STK32C: variants seen among roughly 807,000 people sequenced by gnomAD.
STK32C encodes the protein serine/threonine kinase 32C.
In STK32C, 31 loss-of-function variants were observed where a neutral mutation model predicts 56.5. The ratio of observed to expected loss-of-function variants is 0.55; its 90% confidence interval spans 0.41 to 0.74. STK32C has a LOEUF of 0.74. Ranked by LOEUF, STK32C falls within the 30% of genes least tolerant of loss-of-function variation. STK32C has a pLI of 0.00. For missense variants in STK32C, 544 were observed against 676.9 expected (o/e 0.80, Z 2.18); for synonymous variants, 309 against 289.4 (o/e 1.07, Z -0.69).
chr10:132,226,791 A>G lies in STK32C; in HGVS notation c.644+4T>C, dbSNP rs373246538. ...GGTACCTGCGCCGTCTGCCACGCAC[A>G]CACCTGTGGATGATGTGCTGGCCGC... On this transcript the variant is annotated splice_donor_region_variant and intron_variant, in intron 4 of 11. Transcript: ENST00000298630. 2 of 1,612,098 alleles carry G rather than the reference A, an allele frequency of 1.2e-6. No homozygotes were observed. The highest frequency in any genetic ancestry group is 1.7e-6 in the Non-Finnish European group (2 of 1,179,748).
At chr10:132,209,551 T>C (rs745890831) in intron 10 of STK32C, among the ~76,000 whole-genome samples, 1 of 152,184 alleles carries the variant, frequency 6.6e-6, no homozygotes, top group Non-Finnish European at 1.5e-5. Flanking sequence ...AAGCAGGTCC[T>C]CAGGGCAAGC....
At chr10:132,243,111 T>C (rs2063563779) in intron 2 of STK32C, among the ~76,000 whole-genome samples, 1 of 152,128 alleles carries the variant, frequency 6.6e-6, no homozygotes, top group Non-Finnish European at 1.5e-5. Context: ...CGACCTCCCC[T>C]CATCCCTGGG....
At chr10:132,330,210 A>C in intron 1 of STK32C, 1 of 527,476 alleles carries the variant, frequency 1.9e-6, no homozygotes, top group Non-Finnish European at 3.4e-6. Flanking sequence ...TTAACTACTG[A>C]CTACAAAAAT....
intron 2 of STK32C, among the ~76,000 whole-genome samples, chr10:132,231,209 C>T (rs891153888): frequency 2.0e-5 from 3 of 152,210 alleles, no homozygotes; most frequent in Middle Eastern, 3.2e-3. Flanking sequence ...GGCCTGGCCT[C>T]GCACACCCAC....
At chr10:132,322,873 C>G (rs1327202940), downstream of STK32C, among the ~76,000 whole-genome samples, 1 of 152,190 alleles carries the variant, frequency 6.6e-6, no homozygotes, top group African/African-American at 2.4e-5. Context: ...TCTCTCTGGC[C>G]CAGGGACCAG....
At chr10:132,246,838 C>G (rs1201404640) in intron 1 of STK32C, among the ~76,000 whole-genome samples, 3 of 152,182 alleles carry the variant, frequency 2.0e-5, no homozygotes, top group Non-Finnish European at 2.9e-5. Context: ...AGGCCAGCAG[C>G]TGCCTCCACT....
intron 2 of STK32C, among the ~76,000 whole-genome samples, chr10:132,236,753 G>A (rs778593180): frequency 2.6e-5 from 4 of 152,248 alleles, no homozygotes; most frequent in African/African-American, 9.6e-5. Context: ...TTCCTTTCCC[G>A]GCCATTCAGA....
At chr10:132,309,114 C>T (rs187027422), upstream of STK32C, among the ~76,000 whole-genome samples, 86 of 152,332 alleles carry the variant, frequency 5.6e-4, no homozygotes, top group Middle Eastern at 6.8e-3. Context: ...GTGTCTCCCG[C>T]TCCCGTCCCT....
intron 1 of STK32C, among the ~76,000 whole-genome samples, chr10:132,297,095 A>G (rs955926870): frequency 1.3e-5 from 2 of 152,196 alleles, no homozygotes; most frequent in Non-Finnish European, 2.9e-5. Flanking sequence ...GAGCAGGTGC[A>G]GCTTCTGGGC....
intron 1 of STK32C, among the ~76,000 whole-genome samples, chr10:132,249,637 C>A (rs1328525049): frequency 6.6e-6 from 1 of 152,190 alleles, no homozygotes; most frequent in Non-Finnish European, 1.5e-5. Flanking sequence ...CTCTGGATGA[C>A]CGTGGCTCCA....
chr10:132,225,301 T>C lies in STK32C; in HGVS notation c.808A>G (p.Thr270Ala). Residue 270 changes from threonine (T) to alanine (A), a missense_variant, in exon 7 of 12, where the codon ACC becomes GCC. By Grantham distance (58) the Thr-to-Ala change is moderately conservative. Coordinates refer to ENST00000298630, the MANE Select transcript of STK32C (RefSeq NM_173575.4). ...CAGTCCACCTCGAAGGAGTAGCCGG[T>C]CCCGCCGTTGACAAAAGAGTGGAAG... is the stretch of plus-strand genomic sequence containing the variant. Reference protein sequence around the residue: ...EIFHSFVNGGTGYSFEVDWWS... With the variant: ...EIFHSFVNGGAGYSFEVDWWS... 6.2e-7 allele frequency: 1 copy of C among 1,601,810 alleles called. No homozygotes were observed. Among genetic ancestry groups the C allele is most frequent in the Non-Finnish European group, 8.5e-7 (1 of 1,173,450 alleles).
chr10:132,216,227 G>A (rs2062466905), intron 10 of STK32C, among the ~76,000 whole-genome samples: 1 of 152,198 alleles, frequency 6.6e-6, no homozygotes, highest in African/African-American at 2.4e-5. Flanking sequence ...CACTTTGGGA[G>A]GTTAAGGCAG....
chr10:132,307,481 C>G lies in STK32C; in HGVS notation c.262+91G>C, dbSNP rs1409394632. ...GCGCCCCGGGAAGCCGTCCCGGACACCGGGGGAACCCCTGCGGGAAAAAGC... is the reference window on the plus strand; with the variant it reads ...GCGCCCCGGGAAGCCGTCCCGGACAGCGGGGGAACCCCTGCGGGAAAAAGC... On this transcript the variant is annotated intron_variant, in intron 1 of 11. Coordinates refer to ENST00000298630, the MANE Select transcript of STK32C (RefSeq NM_173575.4). This position sits in a 1 kb window ranked among gnomAD's most constrained non-coding sequence, Gnocchi z 4.4. The G allele has an allele frequency of 7.3e-7, 1 of 1,377,066 alleles. No individual in the cohort carries two copies. The highest frequency in any genetic ancestry group is 9.5e-7 in the Non-Finnish European group (1 of 1,050,410). The allele number at this position is 1,377,066 out of a possible 1,614,324, so 85.3% of individuals were successfully genotyped here. A position where few individuals can be genotyped will look rare whatever the true frequency, so the allele number is the denominator to read the frequency against.
chr10:132,228,159 C>A (rs1565082376), intron 2 of STK32C, 31 bp from the exon 3 acceptor site: 1 of 1,613,032 alleles, frequency 6.2e-7, no homozygotes, highest in Non-Finnish European at 8.5e-7. Flanking sequence ...CGGCAGGACG[C>A]CTGAGGACGC....
At chr10:132,279,672 GCACTCCGTGATCACGACACTC>G (rs1311886203) in intron 1 of STK32C, among the ~76,000 whole-genome samples, 210 of 71,472 alleles carry the variant, frequency 2.9e-3, no homozygotes, top group East Asian at 7.9e-3. Flanking sequence ...TCAAGCCACT[GCACTCCGTGATCACGACACTC>G]CACTCCGTGA....
chr10:132,231,096 G>A (rs773648752), intron 2 of STK32C, among the ~76,000 whole-genome samples: 4 of 152,208 alleles, frequency 2.6e-5, no homozygotes, highest in Non-Finnish European at 4.4e-5. Flanking sequence ...GGCTCCATCT[G>A]GGACCAGCCC....
intron 1 of STK32C, among the ~76,000 whole-genome samples, chr10:132,293,018 G>A (rs554315227): frequency 2.5e-4 from 38 of 152,248 alleles, no homozygotes; most frequent in Admixed American, 2.0e-3. Flanking sequence ...CCTGCCCCAC[G>A]CAACGTGCAG....
chr10:132,309,117 C>G (rs1188059849), upstream of STK32C, among the ~76,000 whole-genome samples: 2 of 152,210 alleles, frequency 1.3e-5, no homozygotes, highest in Non-Finnish European at 2.9e-5. Flanking sequence ...TCTCCCGCTC[C>G]CGTCCCTCCC....
chr10:132,308,202 G>A (rs2066145702), upstream of STK32C, among the ~76,000 whole-genome samples: 1 of 152,146 alleles, frequency 6.6e-6, no homozygotes, highest in African/African-American at 2.4e-5. Context: ...GGGGGCTGTG[G>A]TTCGCCGGGA....
Sources: gnomAD v4.1 joint callset for allele counts (sites outside exome capture counted in the v4.1 genomes callset) on GRCh38, gnomAD v4.1.1 for gene constraint, Gnocchi (gnomAD v3.1) non-coding constraint, MANE v1.5 for transcripts, NCBI Gene and HGNC (gene_info 2026-07-23, HGNC 2026-07-21) for gene names.